EBF1: variants seen among roughly 807,000 people sequenced by gnomAD.
EBF1 encodes the protein EBF transcription factor 1.
EBF1 carries 10 observed loss-of-function variants against 68.4 expected under a neutral mutation model. That is an observed-to-expected ratio of 0.15 (90% CI 0.09 to 0.25). EBF1 has a LOEUF of 0.25. Among genes scored for constraint, EBF1 ranks in the 10% least tolerant of loss-of-function variants. EBF1 has a pLI of 1.00. For missense variants in EBF1, 509 were observed against 794.4 expected (o/e 0.64, Z 4.32); for synonymous variants, 298 against 299.8 (o/e 0.99, Z 0.06).
At chr5:158,714,578 T>C (rs1760220455) in intron 11 of EBF1, among the ~76,000 whole-genome samples, 1 of 152,196 alleles carries the variant, frequency 6.6e-6, no homozygotes. Flanking sequence ...ACCATGACCT[T>C]ATCAGACAGG....
intron 10 of EBF1, among the ~76,000 whole-genome samples, chr5:158,773,550 GC>G (rs1407715855): frequency 3.9e-5 from 6 of 152,086 alleles, no homozygotes; most frequent in Non-Finnish European, 8.8e-5. Context: ...GTGGTGTACA[GC>G]TCTCAGGGTA....
At position 158,911,702 on chromosome 5, in the gene EBF1, T is replaced by G. The variant is rs548841794; in HGVS notation, c.555-71592A>C. Among the ~76,000 whole-genome samples, 5 of 152,326 alleles carry G rather than the reference T, an allele frequency of 3.3e-5. No individual in the cohort carries two copies. The South Asian group carries it at 1.0e-3, about 32-fold the overall frequency. On this transcript the variant is annotated intron_variant, in intron 6 of 15. Coordinates refer to ENST00000313708, the MANE Select transcript of EBF1 (RefSeq NM_024007.5). The stretch of plus-strand genomic sequence containing the variant: ...CATTTCACCTTGCCCTGGAATGGGA[T>G]TCCTTGAGTAGGAGAGTATACCCAC...
chr5:159,020,075 G>A (rs115712272), intron 6 of EBF1, among the ~76,000 whole-genome samples: 45 of 152,056 alleles, frequency 3.0e-4, no homozygotes, highest in African/African-American at 1.0e-3. Context: ...GTTCTCTATA[G>A]GTCTTTTCAA....
chr5:159,048,397 G>A (rs548572582), intron 6 of EBF1, among the ~76,000 whole-genome samples: 51 of 152,232 alleles, frequency 3.4e-4, no homozygotes, highest in African/African-American at 9.1e-4. Flanking sequence ...CTGCTATGTC[G>A]TGGCTTCCTT....
At chr5:158,878,891 G>T (rs534893385) in intron 6 of EBF1, among the ~76,000 whole-genome samples, 1 of 152,102 alleles carries the variant, frequency 6.6e-6, no homozygotes, top group Non-Finnish European at 1.5e-5. Context: ...TGTTCCGCCT[G>T]CCTTAGCCTC....
At chr5:159,097,271 A>G (rs1782806949) in intron 1 of EBF1, 141 bp from the exon 2 acceptor site, 1 of 942,832 alleles carries the variant, frequency 1.1e-6, no homozygotes, top group Non-Finnish European at 1.5e-6. Context: ...ACGCCCCTTC[A>G]GGCGACATAG....
intron 11 of EBF1, among the ~76,000 whole-genome samples, chr5:158,726,635 A>G (rs769051658): frequency 6.6e-6 from 1 of 152,240 alleles, no homozygotes; most frequent in Non-Finnish European, 1.5e-5. Flanking sequence ...CTCTTGGAGA[A>G]AAGACATTGG....
At chr5:158,803,958 GT>G (rs1250274420) in intron 8 of EBF1, among the ~76,000 whole-genome samples, 2 of 145,738 alleles carry the variant, frequency 1.4e-5, no homozygotes, top group African/African-American at 5.1e-5. Flanking sequence ...GTCTGTGTGT[GT>G]GTGTGTGTGT....
At chr5:158,862,436 T>A (rs1393872071) in intron 6 of EBF1, among the ~76,000 whole-genome samples, 2 of 152,168 alleles carry the variant, frequency 1.3e-5, no homozygotes, top group African/African-American at 4.8e-5. Flanking sequence ...TGTCTTCACC[T>A]GCCATTCTAC....
At chr5:158,773,861 T>C (rs989257304) in intron 10 of EBF1, among the ~76,000 whole-genome samples, 1 of 152,096 alleles carries the variant, frequency 6.6e-6, no homozygotes, top group Non-Finnish European at 1.5e-5. Flanking sequence ...GTGAGAATAA[T>C]AAAGGTATTA....
chr5:158,853,988 T>C (rs1353663419), intron 6 of EBF1, among the ~76,000 whole-genome samples: 1 of 152,168 alleles, frequency 6.6e-6, no homozygotes, highest in African/African-American at 2.4e-5. Context: ...CAGGGACAGC[T>C]TGACTCTTCT....
intron 9 of EBF1, among the ~76,000 whole-genome samples, chr5:158,782,062 C>T (rs771276170): frequency 4.6e-5 from 7 of 152,182 alleles, no homozygotes; most frequent in African/African-American, 9.6e-5. Flanking sequence ...TACACGAAAA[C>T]ACCATTCCCT....
chr5:158,808,670 T>G (rs1782033918), intron 8 of EBF1, among the ~76,000 whole-genome samples: 1 of 152,114 alleles, frequency 6.6e-6, no homozygotes, highest in South Asian at 2.1e-4. Context: ...TGAGTTAATC[T>G]ATGTGAAGAG....
intron 7 of EBF1, among the ~76,000 whole-genome samples, chr5:158,828,912 C>T (rs558030251): frequency 6.6e-6 from 1 of 152,128 alleles, no homozygotes; most frequent in Non-Finnish European, 1.5e-5. Context: ...ATGCATATTA[C>T]TAAATAAGAA....
intron 6 of EBF1, among the ~76,000 whole-genome samples, chr5:158,948,335 G>C (rs1163523050): frequency 1.3e-5 from 2 of 151,892 alleles, no homozygotes; most frequent in Non-Finnish European, 2.9e-5. Context: ...GATATAAATA[G>C]AGTGACAGAG....
At chr5:159,027,380 C>T (rs1012804078) in intron 6 of EBF1, among the ~76,000 whole-genome samples, 3 of 152,158 alleles carry the variant, frequency 2.0e-5, no homozygotes, top group Admixed American at 1.3e-4. Flanking sequence ...CTTCCAGGAG[C>T]CTTCTCAGAC....
intron 6 of EBF1, among the ~76,000 whole-genome samples, chr5:158,987,712 T>C (rs933885354): frequency 2.0e-5 from 3 of 152,048 alleles, no homozygotes; most frequent in African/African-American, 7.2e-5. Flanking sequence ...TTCACAGGGA[T>C]CACAACACAA....
At chr5:158,933,555 T>C (rs1367372637) in intron 6 of EBF1, among the ~76,000 whole-genome samples, 3 of 152,186 alleles carry the variant, frequency 2.0e-5, no homozygotes, top group East Asian at 1.9e-4. Flanking sequence ...GGTTCACTGA[T>C]TGTTTGTTTG....
At chr5:158,877,168 T>G (rs2128078670) in intron 6 of EBF1, among the ~76,000 whole-genome samples, 1 of 152,252 alleles carries the variant, frequency 6.6e-6, no homozygotes, top group South Asian at 2.1e-4. Context: ...CAAGCCCAAC[T>G]CTGAGAAGGT....
Sources: allele counts gnomAD v4.1 joint callset (sites outside exome capture counted in the v4.1 genomes callset), GRCh38; gene constraint gnomAD v4.1.1; transcripts MANE v1.5; gene names NCBI Gene and HGNC (gene_info 2026-07-23, HGNC 2026-07-21).